Variants in PKD1L1 observed in about 807,000 individuals in gnomAD.
PKD1L1 encodes polycystin 1 like 1, transient receptor potential channel interacting.
In PKD1L1, 236 loss-of-function variants were observed where a neutral mutation model predicts 323.4. The ratio of observed to expected loss-of-function variants is 0.73; its 90% CI spans 0.66 to 0.81. The LOEUF is 0.81. Ranked by LOEUF, PKD1L1 falls within the 40% of genes least tolerant of loss-of-function variation. PKD1L1 has a pLI of 0.00. For synonymous variants in PKD1L1, 1,344 were observed against 1,335.0 expected, an observed-to-expected ratio of 1.01 and a Z score of -0.15; for missense variants, 3,320 against 3,508.0, an observed-to-expected ratio of 0.95 and a Z score of 1.35.
chr7:47,959,682 G>A, the PKD1L1 span, among the ~76,000 whole-genome samples: 101 of 110,706 alleles, frequency 9.1e-4, no homozygotes, highest in East Asian at 1.2e-3. Flanking sequence ...CAGCCGCCCC[G>A]TCCGGGAGGG....
At chr7:47,896,329 CAAA>C (rs34061319) in intron 14 of PKD1L1, among the ~76,000 whole-genome samples, 4 of 46,864 alleles carry the variant, frequency 8.5e-5, no homozygotes, top group East Asian at 1.3e-3. Context: ...GACCCTGTCT[CAAA>C]AAAAAAAAAA....
At position 47,833,056 on chromosome 7, in the gene PKD1L1, C is replaced by A. The variant is rs1325452590; in HGVS notation, c.6337+34G>T. 8 of 1,589,134 alleles carry A rather than the reference C, an allele frequency of 5.0e-6. No homozygotes were observed. In the East Asian group the frequency reaches 1.6e-4, roughly 31 times the overall value. ...AATGGCTGCAGGTCTGCTGGACTGG[C>A]AGGAAGGGGGCTGTGGTTGCAAGCC... On this transcript the variant is annotated intron_variant, in intron 41 of 56. Coordinates refer to ENST00000289672, the MANE Select transcript of PKD1L1 (RefSeq NM_138295.5).
Position 47,829,942 on chromosome 7 carries a change from GA to G in PKD1L1, c.6558+97del, listed in dbSNP as rs1416480397. ...ACCACAGCTGAAATCAGGGTATAAA[GA>G]AAAGTCATACACAACCAAAATGAAG... On this transcript the variant is annotated intron_variant, in intron 43 of 56. Coordinates refer to ENST00000289672, the MANE Select transcript of PKD1L1 (RefSeq NM_138295.5). 4.4e-5 allele frequency: 52 copies of G among 1,179,862 alleles called. No individual in the cohort carries two copies. The African/African-American group carries it at 6.5e-4, about 15-fold the overall frequency. The allele number at this position is 1,179,862 out of a possible 1,614,324, so 73.1% of individuals were successfully genotyped here. A position where few individuals can be genotyped will look rare whatever the true frequency, so the allele number is the denominator to read the frequency against.
Position 47,905,872 on chromosome 7 carries a change from T to C in PKD1L1, c.1493A>G (p.His498Arg), listed in dbSNP as rs200709779. 1.9e-6 allele frequency: 3 copies of C among 1,613,344 alleles called. No homozygotes were observed. The African/African-American group carries it at 4.0e-5, about 22-fold the overall frequency. ...QTQVGDSQAWHSMTVWYKMQS... is the reference protein window; with the variant it reads ...QTQVGDSQAWRSMTVWYKMQS... ...CATCTTATACCAGACAGTCATGCTG[T>C]GCCAAGCCTGGCTGTCACCCACTTG... The change falls in exon 10 of 57, where the codon CAC (histidine) becomes CGC (arginine). Residue 498 changes from histidine (H) to arginine (R), a missense_variant. His to Arg is a conservative substitution (Grantham distance 29). Coordinates refer to ENST00000289672, the MANE Select transcript of PKD1L1 (RefSeq NM_138295.5).
intron 15 of PKD1L1, among the ~76,000 whole-genome samples, chr7:47,892,637 T>C (rs1399710217): frequency 6.6e-6 from 1 of 152,134 alleles, no homozygotes; most frequent in East Asian, 1.9e-4. Context: ...ACATTAACAG[T>C]CCAGACTTTA....
intron 15 of PKD1L1, among the ~76,000 whole-genome samples, chr7:47,891,038 C>G (rs1446632716): frequency 6.6e-6 from 1 of 152,186 alleles, no homozygotes; most frequent in Non-Finnish European, 1.5e-5. Context: ...CTTCCTAACC[C>G]TTCTCTGCGC....
chr7:47,878,362 T>C (rs1786454603), intron 21 of PKD1L1, among the ~76,000 whole-genome samples: 1 of 152,198 alleles, frequency 6.6e-6, no homozygotes, highest in Non-Finnish European at 1.5e-5. Flanking sequence ...TTCTCATACA[T>C]ATAGTTTTTA....
chr7:47,960,470 C>T, the PKD1L1 span, among the ~76,000 whole-genome samples: 515 of 150,110 alleles, frequency 3.4e-3, no homozygotes, highest in African/African-American at 0.012. Context: ...TTACAACCCC[C>T]TTAACACCTT....
At chr7:47,937,200 G>A (rs1191157357) in intron 3 of PKD1L1, among the ~76,000 whole-genome samples, 3 of 145,330 alleles carry the variant, frequency 2.1e-5, no homozygotes, top group Non-Finnish European at 3.0e-5. Context: ...GCTGGGGGTC[G>A]TGCTGCGGAA....
intron 15 of PKD1L1, among the ~76,000 whole-genome samples, chr7:47,892,490 G>T (rs1019739833): frequency 1.3e-5 from 2 of 152,126 alleles, no homozygotes; most frequent in African/African-American, 4.8e-5. Flanking sequence ...AAAAGGGGGT[G>T]CTGGAGGGTC....
chr7:47,794,884 T>G (rs1584947157), intron 55 of PKD1L1, among the ~76,000 whole-genome samples: 1 of 152,206 alleles, frequency 6.6e-6, no homozygotes, highest in Admixed American at 6.5e-5. Flanking sequence ...GATTTTGGAC[T>G]GGTATGGGGC....
At chr7:47,892,009 C>T (rs938410085) in intron 15 of PKD1L1, among the ~76,000 whole-genome samples, 8 of 152,170 alleles carry the variant, frequency 5.3e-5, no homozygotes, top group Non-Finnish European at 7.3e-5. Flanking sequence ...GGGAAAACAA[C>T]GCAACTCATC....
At chr7:47,842,846 T>G in intron 34 of PKD1L1, 116 bp downstream of exon 34, 14 of 960,340 alleles carry the variant, frequency 1.5e-5, no homozygotes, top group Non-Finnish European at 2.0e-5. Flanking sequence ...GCCTCAGCAA[T>G]GAGATGAGGC....
chr7:47,916,821 GAAC>G (rs1342537450), intron 7 of PKD1L1, among the ~76,000 whole-genome samples: 1 of 152,152 alleles, frequency 6.6e-6, no homozygotes, highest in East Asian at 1.9e-4. Flanking sequence ...AAAAGAATCT[GAAC>G]AACAGCCTTC....
intron 41 of PKD1L1, among the ~76,000 whole-genome samples, chr7:47,832,556 C>T (rs768573979): frequency 3.9e-5 from 6 of 152,324 alleles, no homozygotes; most frequent in Non-Finnish European, 8.8e-5. Context: ...GCTGGAGCCT[C>T]GAGAAAACCA....
rs778922688 is a variant in PKD1L1 at position 47,818,034 on chromosome 7, T to C, written c.6966-2577A>G. The C allele has an allele frequency of 4.4e-6, 6 of 1,366,254 alleles. No homozygotes were observed. In the South Asian group the frequency reaches 5.7e-5, roughly 13 times the overall value. The allele number at this position is 1,366,254 out of a possible 1,614,324, so 84.6% of individuals were successfully genotyped here. A position where few individuals can be genotyped will look rare whatever the true frequency, so the allele number is the denominator to read the frequency against. ...GAACTTAATCTTTGCAGGTCTTTTA[T>C]TGGGTGCTGGTTCTTAACTCTGGAC... On this transcript the variant is annotated intron_variant, in intron 46 of 56. Coordinates refer to ENST00000289672, the MANE Select transcript of PKD1L1 (RefSeq NM_138295.5).
intron 45 of PKD1L1, among the ~76,000 whole-genome samples, chr7:47,825,255 T>G (rs183654618): frequency 1.3e-5 from 2 of 150,264 alleles, no homozygotes; most frequent in Non-Finnish European, 3.0e-5. Context: ...TTAGGCCAGG[T>G]GTGGTGGCTC....
intron 56 of PKD1L1, among the ~76,000 whole-genome samples, chr7:47,777,272 T>C (rs1162109392): frequency 6.6e-6 from 1 of 152,264 alleles, no homozygotes; most frequent in Non-Finnish European, 1.5e-5. Context: ...AATTTAGGAA[T>C]GAGTTTGAGG....
rs1309864473 is a variant in PKD1L1, at chr7:47,880,282, A to ATTTTTTTTTTTTTTT, written c.3520+445_3520+446insAAAAAAAAAAAAAAA. Among the ~76,000 whole-genome samples the ATTTTTTTTTTTTTTT allele has an allele frequency of 6.3e-4, 44 of 69,688 alleles. 2 individuals carry two copies. Among genetic ancestry groups the ATTTTTTTTTTTTTTT allele is most frequent in the African/African-American group, 1.0e-3 (13 of 12,504 alleles). The allele number at this position is 69,688 out of a possible 152,430, so 45.7% of individuals were successfully genotyped here. ...TATATATACATATATATATATATAT[A>ATTTTTTTTTTTTTTT]TATTTTTTTTTTTTTTTTTGAGACA... On this transcript the variant is annotated intron_variant, in intron 21 of 56. Transcript: ENST00000289672.
Sources: allele counts gnomAD v4.1 joint callset (sites outside exome capture counted in the v4.1 genomes callset), GRCh38; gene constraint gnomAD v4.1.1; transcripts MANE v1.5; gene names NCBI Gene and HGNC (gene_info 2026-07-23, HGNC 2026-07-21).